DIPK1A: variants seen among roughly 807,000 people sequenced by gnomAD.
The protein encoded by DIPK1A is divergent protein kinase domain 1A, also known as family with sequence similarity 69 member A.
In DIPK1A, 27 loss-of-function variants were observed where a neutral mutation model predicts 40.8. That is an observed-to-expected ratio of 0.66 (90% CI 0.49 to 0.91). The LOEUF (loss-of-function observed/expected upper bound fraction) is 0.91. Ranked by LOEUF, DIPK1A falls within the 40% of genes least tolerant of loss-of-function variation. The probability of loss-of-function intolerance (pLI) is 0.00; values close to 1 mark genes in which losing one functional copy is unlikely to be tolerated. For synonymous variants in DIPK1A, 166 were observed against 171.3 expected (o/e 0.97, Z 0.24); for missense variants, 412 against 505.7 (o/e 0.81, Z 1.78).
chr1:92,933,563 T>G (rs997085433), intron 1 of DIPK1A: 1 of 151,986 alleles, frequency 6.6e-6, no homozygotes, highest in Non-Finnish European at 1.5e-5. Flanking sequence ...CTGCCCAATC[T>G]AACAATGAGG....
At chr1:92,861,318 TCTC>T (rs796693340) in intron 2 of DIPK1A, among the ~76,000 whole-genome samples, 1 of 101,944 alleles carries the variant, frequency 9.8e-6, no homozygotes, top group African/African-American at 3.5e-5. Context: ...ATTCTCTCTC[TCTC>T]TTTTTTTTTT....
At chr1:92,863,589 A>AAC (rs1553125906) in intron 2 of DIPK1A, among the ~76,000 whole-genome samples, 28 of 148,844 alleles carry the variant, frequency 1.9e-4, no homozygotes, top group African/African-American at 6.5e-4. Context: ...AAAAAAAAAA[A>AAC]CCCACAAAAA....
Position 92,844,082 on chromosome 1 carries a change from T to C in DIPK1A, c.588A>G (p.Ala196=). 6.4e-7 allele frequency: 1 copy of C among 1,551,932 alleles called. No individual in the cohort carries two copies. Among genetic ancestry groups the C allele is most frequent in the Non-Finnish European group, 8.7e-7 (1 of 1,147,038 alleles). ...GAAGAAATTCATTCAGTTGAAGAAG[T>C]GCCCATGCCGACTTTGCTTCTCCCA... ...VSLGEAKSAW[A]LLQLNEFLLM... is the part of the protein sequence containing the mutation. Residue 196 remains alanine (A), a synonymous_variant, in exon 5 of 5, where the codon GCA becomes GCG. Transcript: ENST00000370310.
At chr1:92,947,118 A>T (rs1037510798) in intron 1 of DIPK1A, among the ~76,000 whole-genome samples, 16 of 152,146 alleles carry the variant, frequency 1.1e-4, no homozygotes, top group Non-Finnish European at 1.6e-4. Context: ...CTCATCTATT[A>T]TATGTATATA....
At chr1:92,953,486 C>T (rs1419999696) in intron 1 of DIPK1A, among the ~76,000 whole-genome samples, 1 of 152,096 alleles carries the variant, frequency 6.6e-6, no homozygotes, top group African/African-American at 2.4e-5. Context: ...TCACAATAGC[C>T]AAGAGGTAGA....
chr1:92,881,371 A>T (rs35183060), intron 1 of DIPK1A, among the ~76,000 whole-genome samples: 30,583 of 145,674 alleles, frequency 0.21, 3,650 homozygotes, highest in Non-Finnish European at 0.27. Flanking sequence ...TACTGGTCAG[A>T]GTTTTAGCAT....
intron 4 of DIPK1A, chr1:92,836,956 G>T: frequency 4.3e-6 from 1 of 231,074 alleles, no homozygotes; most frequent in Non-Finnish European, 8.7e-6. Flanking sequence ...TTAGCATTTG[G>T]TGATTTAACC....
At chr1:92,922,564 G>A (rs1355410620) in intron 1 of DIPK1A, among the ~76,000 whole-genome samples, 1 of 152,090 alleles carries the variant, frequency 6.6e-6, no homozygotes, top group Non-Finnish European at 1.5e-5. Flanking sequence ...CAATCAATGC[G>A]GTTTGCTAAG....
chr1:92,941,300 GAT>G (rs1651142287), intron 1 of DIPK1A, among the ~76,000 whole-genome samples: 1 of 152,066 alleles, frequency 6.6e-6, no homozygotes, highest in African/African-American at 2.4e-5. Flanking sequence ...TAAATGAAAA[GAT>G]AAAAATGGAA....
intron 1 of DIPK1A, among the ~76,000 whole-genome samples, chr1:92,883,908 G>A (rs2100789169): frequency 6.6e-6 from 1 of 152,282 alleles, no homozygotes; most frequent in Middle Eastern, 3.4e-3. Flanking sequence ...TAGGGGTAAG[G>A]AGAAAAGCAC....
chr1:92,887,960 T>C (rs967686525), intron 1 of DIPK1A, among the ~76,000 whole-genome samples: 1 of 151,962 alleles, frequency 6.6e-6, no homozygotes, highest in Non-Finnish European at 1.5e-5. Context: ...GGTAAGAATT[T>C]ATTAAATAAT....
At chr1:92,885,900 C>T (rs1648576223) in intron 1 of DIPK1A, among the ~76,000 whole-genome samples, 1 of 152,186 alleles carries the variant, frequency 6.6e-6, no homozygotes, top group East Asian at 1.9e-4. Context: ...CCTTTCCTAG[C>T]TGTTTTCCAT....
intron 1 of DIPK1A, among the ~76,000 whole-genome samples, chr1:92,909,632 A>G (rs1649753211): frequency 2.6e-5 from 4 of 152,190 alleles, no homozygotes; most frequent in Admixed American, 2.6e-4. Flanking sequence ...AAACAGTAGG[A>G]CTGGACTCTG....
At chr1:92,870,601 G>A (rs1037036168) in intron 2 of DIPK1A, among the ~76,000 whole-genome samples, 1 of 152,166 alleles carries the variant, frequency 6.6e-6, no homozygotes, top group Non-Finnish European at 1.5e-5. Flanking sequence ...ATAACATACT[G>A]CAATTACCAT....
At chr1:92,932,739 A>G (rs1354707525) in intron 1 of DIPK1A, 1 of 152,232 alleles carries the variant, frequency 6.6e-6, no homozygotes, top group East Asian at 1.9e-4. Context: ...ACTACATAAT[A>G]TTCTAGAAAA....
intron 1 of DIPK1A, among the ~76,000 whole-genome samples, chr1:92,900,322 C>A (rs1340026685): frequency 6.6e-6 from 1 of 151,670 alleles, no homozygotes; most frequent in Non-Finnish European, 1.5e-5. Flanking sequence ...TTTTTTTTCC[C>A]CCTGACTGGG....
chr1:92,840,822 T>C, downstream of DIPK1A: 1 of 718,562 alleles, frequency 1.4e-6, no homozygotes, highest in Non-Finnish European at 2.6e-6. Context: ...CAGACACTAC[T>C]GAGGTGGTTC....
intron 1 of DIPK1A, among the ~76,000 whole-genome samples, chr1:92,941,741 A>G (rs1651156779): frequency 6.6e-6 from 1 of 152,192 alleles, no homozygotes; most frequent in Non-Finnish European, 1.5e-5. Context: ...CTGGCAGAGC[A>G]ATGTTAGGAA....
intron 2 of DIPK1A, among the ~76,000 whole-genome samples, chr1:92,858,641 G>A (rs1286925289): frequency 6.6e-6 from 1 of 151,998 alleles, no homozygotes; most frequent in Admixed American, 6.6e-5. Flanking sequence ...GTAAAGACTA[G>A]TCTGGCATTC....
Sources: gnomAD v4.1 joint callset for allele counts (sites outside exome capture counted in the v4.1 genomes callset) on GRCh38, gnomAD v4.1.1 for gene constraint, MANE v1.5 for transcripts, NCBI Gene and HGNC (gene_info 2026-07-23, HGNC 2026-07-21) for gene names.